Variants in CBLB observed in about 807,000 individuals in gnomAD.
The protein encoded by CBLB is Cbl proto-oncogene B.
A neutral mutation model predicts 104.9 loss-of-function variants in CBLB; 31 were observed. The ratio of observed to expected loss-of-function variants is 0.30; its 90% CI spans 0.22 to 0.40. CBLB has a LOEUF of 0.40. CBLB is among the 10% of genes least tolerant of loss of function. The pLI, the probability that CBLB is intolerant of heterozygous loss-of-function variation, is 1.00. For missense variants in CBLB, 1,062 were observed against 1,214.6 expected (o/e 0.87, Z 1.87); for synonymous variants, 440 against 422.6 (o/e 1.04, Z -0.51).
chr3:105,766,399 T>C (rs895637644), intron 4 of CBLB, among the ~76,000 whole-genome samples: 3 of 152,182 alleles, frequency 2.0e-5, no homozygotes, highest in Non-Finnish European at 4.4e-5. Flanking sequence ...GAAACTCTAT[T>C]GTGAGTAAAA....
chr3:105,753,189 A>C (rs2076743964), intron 4 of CBLB, among the ~76,000 whole-genome samples: 1 of 152,114 alleles, frequency 6.6e-6, no homozygotes, highest in Non-Finnish European at 1.5e-5. Flanking sequence ...TATTTATAAG[A>C]GAGTTTAGGT....
chr3:105,734,918 C>A (rs1308343528), intron 8 of CBLB, among the ~76,000 whole-genome samples: 1 of 151,940 alleles, frequency 6.6e-6, no homozygotes, highest in African/African-American at 2.4e-5. Context: ...TTTCAAAATT[C>A]AAATACTGAA....
chr3:105,770,207 T>G (rs2078700305), intron 4 of CBLB, among the ~76,000 whole-genome samples: 1 of 151,930 alleles, frequency 6.6e-6, no homozygotes. Context: ...CACAGGAACT[T>G]AGGAAAACAG....
At chr3:105,664,637 C>T (rs1321657686) in intron 18 of CBLB, among the ~76,000 whole-genome samples, 5 of 152,114 alleles carry the variant, frequency 3.3e-5, no homozygotes, top group African/African-American at 4.8e-5. Context: ...CCACCAACAA[C>T]AAAATAGTCT....
rs2072561203 is a variant in CBLB at position 105,720,105 on chromosome 3, T to C, written c.1349A>G (p.Asp450Gly). The C allele has an allele frequency of 6.2e-7, 1 of 1,614,060 alleles. No individual in the cohort carries two copies. Among genetic ancestry groups the C allele is most frequent in the Admixed American group, 1.7e-5 (1 of 59,984 alleles). ...GGACTCCTCACGATCATCATCGTCG[T>C]CCAAGTCTAGCATCGGCATGCCAAA... The part of the protein sequence containing the change: ...DPFGMPMLDL[D>G]DDDDREESLM... Residue 450 changes from aspartate (D) to glycine (G), a missense_variant, in exon 10 of 19, where the codon GAC becomes GGC. Asp to Gly is a moderately conservative substitution (Grantham distance 94). Around this residue, in one of 2 missense-constraint regions of CBLB, gnomAD observed 457 missense variants for 632.0 expected, o/e 0.72. Coordinates refer to ENST00000394030, the MANE Select transcript of CBLB (RefSeq NM_170662.5).
intron 4 of CBLB, among the ~76,000 whole-genome samples, chr3:105,769,098 G>C (rs1034826084): frequency 6.6e-6 from 1 of 152,160 alleles, no homozygotes; most frequent in South Asian, 2.1e-4. Flanking sequence ...TGGATCACCT[G>C]AGGTCAGGAG....
intron 13 of CBLB, among the ~76,000 whole-genome samples, chr3:105,687,878 G>T (rs1461035891): frequency 1.3e-5 from 2 of 151,302 alleles, no homozygotes; most frequent in African/African-American, 4.8e-5. Context: ...ATGAGATAAA[G>T]AAGTTGTATA....
At chr3:105,854,593 A>ATT (rs200499603) in intron 2 of CBLB, among the ~76,000 whole-genome samples, 18,445 of 145,338 alleles carry the variant, frequency 0.13, 1,362 homozygotes, top group East Asian at 0.41. Context: ...CCCTCGTTGT[A>ATT]TTTTTTTTTT....
At chr3:105,773,841 T>C (rs532812648) in intron 4 of CBLB, among the ~76,000 whole-genome samples, 85 of 152,336 alleles carry the variant, frequency 5.6e-4, no homozygotes, top group Admixed American at 5.4e-3. Flanking sequence ...TGCATAAAAA[T>C]TGACCATAAA....
chr3:105,697,624 T>A (rs2068548363), intron 12 of CBLB, among the ~76,000 whole-genome samples: 1 of 151,976 alleles, frequency 6.6e-6, no homozygotes, highest in Admixed American at 6.6e-5. Context: ...TAGATAACTT[T>A]AAGGTCATGA....
chr3:105,792,581 T>A (rs2081799198), intron 3 of CBLB, among the ~76,000 whole-genome samples: 1 of 152,118 alleles, frequency 6.6e-6, no homozygotes, highest in South Asian at 2.1e-4. Flanking sequence ...AATTCCCTCA[T>A]CACCACACCC....
intron 3 of CBLB, among the ~76,000 whole-genome samples, chr3:105,852,033 TATA>T (rs1468989061): frequency 4.6e-5 from 7 of 152,350 alleles, no homozygotes; most frequent in African/African-American, 1.7e-4. Flanking sequence ...ATAATGATAT[TATA>T]ATAAGTGACT....
chr3:105,759,468 T>A (rs555979120), intron 4 of CBLB, among the ~76,000 whole-genome samples: 206 of 152,314 alleles, frequency 1.4e-3, no homozygotes, highest in Middle Eastern at 3.4e-3. Flanking sequence ...ACCAATCATG[T>A]CATCTACAGG....
At chr3:105,811,767 C>T (rs9846445) in intron 3 of CBLB, among the ~76,000 whole-genome samples, 119,508 of 151,904 alleles carry the variant, frequency 0.79, 47,918 homozygotes, top group Middle Eastern at 0.9. Context: ...TGGAGTGCAA[C>T]GGCACGAACC....
intron 3 of CBLB, among the ~76,000 whole-genome samples, chr3:105,830,777 T>C (rs2153077480): frequency 6.6e-6 from 1 of 152,324 alleles, no homozygotes; most frequent in Admixed American, 6.5e-5. Flanking sequence ...TCTCCTTCAA[T>C]TAAAGCACAA....
chr3:105,700,305 T>C (rs1186924072), intron 12 of CBLB, among the ~76,000 whole-genome samples: 2 of 152,058 alleles, frequency 1.3e-5, no homozygotes, highest in Admixed American at 6.5e-5. Context: ...AGACAAGATA[T>C]CTTCAATGAA....
At chr3:105,799,657 C>T (rs1335015465) in intron 3 of CBLB, among the ~76,000 whole-genome samples, 1 of 152,004 alleles carries the variant, frequency 6.6e-6, no homozygotes, top group Non-Finnish European at 1.5e-5. Flanking sequence ...ACCCAGAAAA[C>T]AATAAAATGT....
chr3:105,724,025 C>A lies in CBLB; in HGVS notation c.1204-3775G>T, dbSNP rs181286716. ...TATCAATAACTTCTAATTTATATTA[C>A]CTTGCTATATTTCATGTAGCTATGA... On this transcript the variant is annotated intron_variant, in intron 9 of 18. Transcript: ENST00000394030. 1.6e-4 allele frequency: 26 copies of A among 165,182 alleles called. No homozygotes were observed. The East Asian group carries it at 3.0e-3, about 19-fold the overall frequency. The allele number at this position is 165,182 out of a possible 1,614,324, so 10.2% of individuals were successfully genotyped here.
intron 9 of CBLB, among the ~76,000 whole-genome samples, chr3:105,726,837 A>T (rs1045051684): frequency 1.3e-5 from 2 of 152,188 alleles, no homozygotes; most frequent in Non-Finnish European, 1.5e-5. Context: ...TTTGCTGAGA[A>T]TGATGGCTTC....
Sources: gnomAD v4.1 joint callset for allele counts (sites outside exome capture counted in the v4.1 genomes callset) on GRCh38, gnomAD v4.1.1 for gene constraint, gnomAD v4.1.1 regional missense constraint, MANE v1.5 for transcripts, NCBI Gene and HGNC (gene_info 2026-07-23, HGNC 2026-07-21) for gene names.